Variants in TAT observed in about 807,000 individuals in gnomAD.
The protein encoded by TAT is tyrosine aminotransferase, also known as L-tyrosine:2-oxoglutarate aminotransferase.
In TAT, 35 loss-of-function variants were observed where a neutral mutation model predicts 53.6. That is an observed-to-expected ratio of 0.65 (90% confidence interval 0.50 to 0.87). The LOEUF is 0.87. Ranked by LOEUF, TAT falls within the 40% of genes least tolerant of loss-of-function variation. The probability of loss-of-function intolerance (pLI) is 0.00; values close to 1 mark genes in which losing one functional copy is unlikely to be tolerated. For missense variants in TAT, 525 were observed against 571.8 expected (o/e 0.92, Z 0.83); for synonymous variants, 197 against 206.5 (o/e 0.95, Z 0.39).
intron 6 of TAT, 38 bp downstream of exon 6, chr16:71,572,148 G>C (rs377615013): frequency 3.1e-6 from 5 of 1,613,770 alleles, no homozygotes; most frequent in Non-Finnish European, 3.4e-6. Context: ...GAAGGATTCT[G>C]TCCCCACCTC....
Position 71,572,158 on chromosome 16 carries a change from C to T in TAT, c.706+28G>A, listed in dbSNP as rs769833307. 2.5e-6 allele frequency: 4 copies of T among 1,613,982 alleles called. No homozygotes were observed. In the East Asian group the frequency reaches 6.7e-5, roughly 27 times the overall value. On this transcript the variant is annotated intron_variant, in intron 6 of 11. Transcript: ENST00000355962. ...CAGCTGAAGGATTCTGTCCCCACCT[C>T]GTCCTCTGTGAAGTCTGCTGGACGT...
At position 71,571,636 on chromosome 16, in the gene TAT, G is replaced by A; in HGVS notation, c.729C>T (p.Pro243=). ...ILAVAARQCV[P]ILADEIYGDM... ...CTCCATAGATCTCATCAGCTAAGAT[G>A]GGGACACACTGCCGTGCAGCCACTG... The change falls in exon 7 of 12, where the codon CCC becomes CCT. Residue 243 remains proline, a synonymous_variant. Transcript: ENST00000355962. 6.2e-7 allele frequency: 1 copy of A among 1,614,124 alleles called. No individual in the cohort carries two copies. Among genetic ancestry groups the A allele is most frequent in the Non-Finnish European group, 8.5e-7 (1 of 1,179,990 alleles).
intron 3 of TAT, among the ~76,000 whole-genome samples, chr16:71,574,678 G>A (rs1227588551): frequency 6.7e-6 from 1 of 149,836 alleles, no homozygotes; most frequent in Non-Finnish European, 1.5e-5. Context: ...ATTCTTATCA[G>A]TATTTTTGTA....
chr16:71,568,802 A>G lies in TAT; in HGVS notation c.1133T>C (p.Ile378Thr), dbSNP rs1413031195. The G allele has an allele frequency of 1.5e-5, 25 of 1,613,468 alleles. No individual in the cohort carries two copies. The highest frequency in any genetic ancestry group is 2.2e-5 in the East Asian group (1 of 44,892). ...AAATTCTGGGAAATGTTCCATCTCA[A>G]TTCCAACCTATACCAACAGGAGGGA... ...PSGAMYLMVG[I>T]EMEHFPEFEN... The change falls in exon 11 of 12, where the codon ATT becomes ACT. Residue 378 changes from isoleucine to threonine, a missense_variant. By Grantham distance (89) the Ile-to-Thr change is moderately conservative. Coordinates refer to ENST00000355962, the MANE Select transcript of TAT (RefSeq NM_000353.3).
Position 71,572,182 on chromosome 16 carries a change from G to A in TAT, c.706+4C>T, listed in dbSNP as rs756665631. 90 of 1,613,962 alleles carry A rather than the reference G, an allele frequency of 5.6e-5. No homozygotes were observed. Among genetic ancestry groups the A allele is most frequent in the East Asian group, 2.0e-4 (9 of 44,898 alleles). ...TCGTCCTCTGTGAAGTCTGCTGGAC[G>A]TACCTGCCAGAATCTTCTGAAGATG... On this transcript the variant is annotated splice_donor_region_variant and intron_variant, in intron 6 of 11. Transcript: ENST00000355962.
rs2044175606 is a variant in TAT at position 71,567,959 on chromosome 16, G to A, written c.*185C>T. 3.0e-6 allele frequency: 2 copies of A among 667,086 alleles called. No individual in the cohort carries two copies. Among genetic ancestry groups the A allele is most frequent in the Non-Finnish European group, 5.3e-6 (2 of 376,376 alleles). The allele number at this position is 667,086 out of a possible 1,614,324, so 41.3% of individuals were successfully genotyped here. A position where few individuals can be genotyped will look rare whatever the true frequency, so the allele number is the denominator to read the frequency against. Reference sequence around the variant, plus strand: ...CGCAGAGCAAGGGAGAATCTGCGATGTGAATGAGGAGGATCTGAGTGTGGG... The same window carrying A: ...CGCAGAGCAAGGGAGAATCTGCGATATGAATGAGGAGGATCTGAGTGTGGG... On this transcript the variant is annotated 3_prime_UTR_variant, in exon 12 of 12. Transcript: ENST00000355962.
chr16:71,570,171 A>G, intron 9 of TAT, 98 bp downstream of exon 9: 1 of 1,583,766 alleles, frequency 6.3e-7, no homozygotes, highest in Non-Finnish European at 8.6e-7. Flanking sequence ...CTAATATTGG[A>G]ACATGGCTCC....
In TAT at chr16:71,569,879, C is replaced by T. The variant is rs774749746; in HGVS notation, c.1100G>A (p.Arg367His). The T allele has an allele frequency of 2.0e-5, 32 of 1,613,742 alleles. No individual in the cohort carries two copies. Among genetic ancestry groups the T allele is most frequent in the Middle Eastern group, 1.6e-4 (1 of 6,084 alleles). Reference sequence around the variant, plus strand: ...CATGAGGTACATAGCCCCAGAAGGGCGGACTGGCCGGAGTCCAGGGATGGC... The same window carrying T: ...CATGAGGTACATAGCCCCAGAAGGGTGGACTGGCCGGAGTCCAGGGATGGC... ...LAAIPGLRPV[R>H]PSGAMYLMVG... The change falls in exon 10 of 12, where the codon CGC (arginine) becomes CAC (histidine). Residue 367 changes from arginine (R) to histidine (H), a missense_variant. Physicochemically the swap from Arg to His is conservative, Grantham distance 29 (BLOSUM62 0). Coordinates refer to ENST00000355962, the MANE Select transcript of TAT (RefSeq NM_000353.3).
intron 11 of TAT, 88 bp from the exon 12 acceptor site, chr16:71,568,372 G>C (rs2044178650): frequency 1.5e-6 from 2 of 1,366,320 alleles, no homozygotes; most frequent in Non-Finnish European, 1.0e-6. Context: ...TCCACAAGAA[G>C]TGGTACCATT....
rs1489466141 is a variant in TAT, at chr16:71,573,532, G to C, written c.408+7C>G. The stretch of plus-strand genomic sequence containing the variant: ...GCTTCAGAGCTGGTGTCTTGTATAA[G>C]GCTCACCTTAGCTTCTAGGGGTGCC... On this transcript the variant is annotated splice_region_variant and intron_variant, in intron 4 of 11. Coordinates refer to ENST00000355962, the MANE Select transcript of TAT (RefSeq NM_000353.3). The C allele has an allele frequency of 1.7e-5, 26 of 1,552,508 alleles. No homozygotes were observed. The highest frequency in any genetic ancestry group is 2.3e-5 in the Non-Finnish European group (26 of 1,147,326).
intron 3 of TAT, among the ~76,000 whole-genome samples, chr16:71,574,581 C>CAAAAAAAAAAA (rs71389677): frequency 1.3e-5 from 1 of 79,806 alleles, no homozygotes; most frequent in Non-Finnish European, 2.4e-5. Context: ...AACTTCGTCT[C>CAAAAAAAAAAA]AAAAAAAAAA....
At chr16:71,571,584 A>G in intron 7 of TAT, 22 bp downstream of exon 7, 1 of 1,606,008 alleles carries the variant, frequency 6.2e-7, no homozygotes, top group South Asian at 1.1e-5. Flanking sequence ...TACTGTAGTG[A>G]TATATCCTGA....
In TAT at chr16:71,576,993, G is replaced by T; in HGVS notation, c.-13+16C>A. On this transcript the variant is annotated intron_variant, in intron 1 of 11. Coordinates refer to ENST00000355962, the MANE Select transcript of TAT (RefSeq NM_000353.3). ...CAGTCACCACTGCCTGATCAGCTTG[G>T]GCTTGAGATTTTTACCTTCCAAGTA... 1 of 159,842 alleles carries T rather than the reference G, an allele frequency of 6.3e-6. No individual in the cohort carries two copies. Among genetic ancestry groups the T allele is most frequent in the Non-Finnish European group, 1.4e-5 (1 of 73,052 alleles). The allele number at this position is 159,842 out of a possible 1,614,324, so 9.9% of individuals were successfully genotyped here. A position where few individuals can be genotyped will look rare whatever the true frequency, so the allele number is the denominator to read the frequency against.
chr16:71,568,866 T>G (rs1040189712), intron 10 of TAT, 57 bp from the exon 11 acceptor site: 6 of 1,304,238 alleles, frequency 4.6e-6, no homozygotes, highest in African/African-American at 1.5e-5. Flanking sequence ...CAGGCCAATT[T>G]CCTGTGCCAG....
chr16:71,570,621 G>T, intron 8 of TAT, 58 bp downstream of exon 8: 1 of 1,611,702 alleles, frequency 6.2e-7, no homozygotes, highest in Non-Finnish European at 8.5e-7. Flanking sequence ...TGTCCCCACT[G>T]TGCTCATGAA....
chr16:71,570,352 A>G lies in TAT; in HGVS notation c.958T>C (p.Cys320Arg). 2 of 1,614,214 alleles carry G rather than the reference A, an allele frequency of 1.2e-6. No homozygotes were observed. The highest frequency in any genetic ancestry group is 1.3e-5 in the African/African-American group (1 of 75,062). ...TTCAGAGCTCCCTGGACAATGGTAC[A>G]GGGTCCCAAAATGCGCTGACTCAGC... ...VKLSQRILGPCTIVQGALKSI... is the reference protein window; with the variant it reads ...VKLSQRILGPRTIVQGALKSI... The change falls in exon 9 of 12, where the codon TGT becomes CGT. Residue 320 changes from cysteine to arginine, a missense_variant. Physicochemically the swap from Cys to Arg is radical, Grantham distance 180 (BLOSUM62 -3). Coordinates refer to ENST00000355962, the MANE Select transcript of TAT (RefSeq NM_000353.3).
In TAT at chr16:71,568,183, G is replaced by A; in HGVS notation, c.1326C>T (p.Tyr442=). The A allele has an allele frequency of 6.2e-7, 1 of 1,614,180 alleles. No individual in the cohort carries two copies. The highest frequency in any genetic ancestry group is 8.5e-7 in the Non-Finnish European group (1 of 1,180,020). The change falls in exon 12 of 12, where the codon TAC becomes TAT. Residue 442 remains tyrosine, a synonymous_variant. Coordinates refer to ENST00000355962, the MANE Select transcript of TAT (RefSeq NM_000353.3). ...CCTCCTGGCTGCCTTCAGCACAATG[G>A]TAGTGCTGCTCACAGAACTCCTGGA... ...SRIQEFCEQH[Y]HCAEGSQEEC... is the part of the protein sequence containing the mutation.
rs959030701 is a variant in TAT, at chr16:71,567,014, T to TA, written c.*1129dup. On this transcript the variant is annotated 3_prime_UTR_variant, in exon 12 of 12. Coordinates refer to ENST00000355962, the MANE Select transcript of TAT (RefSeq NM_000353.3). ...TACAGCAAAAGTAATAATGATTATA[T>TA]AACAATGACAAGTGAAGATATTTCT... 3 of 152,224 alleles carry TA rather than the reference T, an allele frequency of 2.0e-5. No individual in the cohort carries two copies. Among genetic ancestry groups the TA allele is most frequent in the Non-Finnish European group, 4.4e-5 (3 of 68,036 alleles). 9.4% of individuals were successfully genotyped at this position (152,224 alleles called of 1,614,324 possible).
In TAT at chr16:71,568,243, G is replaced by A. The variant is rs2044177539; in HGVS notation, c.1266C>T (p.Val422=). 3.1e-6 allele frequency: 5 copies of A among 1,614,006 alleles called. No individual in the cohort carries two copies. The highest frequency in any genetic ancestry group is 1.6e-4 in the Middle Eastern group (1 of 6,084). ...YPNFIRVVIT[V]PEVMMLEACS... is the part of the protein sequence containing the mutation. ...ACGCCTCCAGCATCATCACCTCGGG[G>A]ACTGTGATGACCACTCGGATGAAAT... The change falls in exon 12 of 12, where the codon GTC becomes GTT. Residue 422 remains valine (V), a synonymous_variant. Transcript: ENST00000355962.
Sources: gnomAD v4.1 joint callset for allele counts (sites outside exome capture counted in the v4.1 genomes callset) on GRCh38, gnomAD v4.1.1 for gene constraint, MANE v1.5 for transcripts, NCBI Gene and HGNC (gene_info 2026-07-23, HGNC 2026-07-21) for gene names.